The following EHBP1 variants were observed in gnomAD, a reference collection of about 807,000 sequenced individuals.
EHBP1 encodes the protein EH domain binding protein 1.
Under a neutral mutation model 144.0 loss-of-function variants are expected in EHBP1, and 55 were observed. The observed-to-expected ratio is 0.38, with a 90% confidence interval of 0.31 to 0.48. The LOEUF is 0.48. EHBP1 is among the 20% of genes least tolerant of loss of function. The pLI, the probability that EHBP1 is intolerant of heterozygous loss-of-function variation, is 0.98. For missense variants in EHBP1, 1,200 were observed against 1,364.2 expected, an observed-to-expected ratio of 0.88 and a Z score of 1.90; for synonymous variants, 469 against 472.7, an observed-to-expected ratio of 0.99 and a Z score of 0.10.
exon 1 of EHBP1, chr2:62,673,915 G>A (rs1018015251): frequency 2.9e-5 from 12 of 410,206 alleles, no homozygotes; most frequent in Admixed American, 1.5e-4. Context: ...AGACTCCAGC[G>A]AGAGACTGGG....
intron 7 of EHBP1, among the ~76,000 whole-genome samples, chr2:62,851,552 A>G (rs2048696516): frequency 6.6e-6 from 1 of 152,206 alleles, no homozygotes; most frequent in Non-Finnish European, 1.5e-5. Flanking sequence ...CATACAGTAC[A>G]TATTACTTTA....
At chr2:62,774,809 C>T (rs1387705526) in intron 5 of EHBP1, among the ~76,000 whole-genome samples, 1 of 152,128 alleles carries the variant, frequency 6.6e-6, no homozygotes, top group Admixed American at 6.6e-5. Flanking sequence ...CGTGACACTG[C>T]ACTCCAGCCT....
chr2:62,759,698 C>T (rs1171396753), intron 3 of EHBP1, among the ~76,000 whole-genome samples: 1 of 152,034 alleles, frequency 6.6e-6, no homozygotes, highest in Non-Finnish European at 1.5e-5. Flanking sequence ...GCCACCGTGC[C>T]CAGCCAGTGG....
chr2:62,742,622 C>T (rs913711401), intron 2 of EHBP1, among the ~76,000 whole-genome samples: 1 of 151,864 alleles, frequency 6.6e-6, no homozygotes, highest in African/African-American at 2.4e-5. Context: ...AAAGAATGGC[C>T]CAGGAATTGA....
At chr2:62,869,859 AC>A (rs1391858962) in intron 9 of EHBP1, among the ~76,000 whole-genome samples, 1 of 152,226 alleles carries the variant, frequency 6.6e-6, no homozygotes, top group Non-Finnish European at 1.5e-5. Context: ...ATATTATATC[AC>A]GTGAGTGATA....
At chr2:62,995,421 GT>G (rs1198780056) in intron 18 of EHBP1, among the ~76,000 whole-genome samples, 1 of 151,966 alleles carries the variant, frequency 6.6e-6, no homozygotes, top group Non-Finnish European at 1.5e-5. Flanking sequence ...AGGTATGTAA[GT>G]TACACATATA....
chr2:62,826,793 T>C (rs1277951400), intron 6 of EHBP1, among the ~76,000 whole-genome samples: 1 of 152,232 alleles, frequency 6.6e-6, no homozygotes. Context: ...TGAGTCAGCA[T>C]TGCACAAAGA....
intron 7 of EHBP1, among the ~76,000 whole-genome samples, chr2:62,841,433 A>G (rs1052364786): frequency 6.6e-6 from 1 of 151,932 alleles, no homozygotes; most frequent in African/African-American, 2.4e-5. Flanking sequence ...TGGCACATGT[A>G]TACATATGTA....
intron 5 of EHBP1, among the ~76,000 whole-genome samples, chr2:62,783,051 C>T (rs942188372): frequency 1.3e-5 from 2 of 151,990 alleles, no homozygotes; most frequent in Non-Finnish European, 2.9e-5. Flanking sequence ...AGAAATTGAC[C>T]AAAACAAAGG....
intron 5 of EHBP1, among the ~76,000 whole-genome samples, chr2:62,798,389 T>C (rs1304001929): frequency 6.6e-6 from 1 of 151,514 alleles, no homozygotes; most frequent in African/African-American, 2.4e-5. Flanking sequence ...GAAAGAAATA[T>C]CTGTAGAAAT....
upstream of EHBP1, among the ~76,000 whole-genome samples, chr2:62,702,825 T>C (rs889592504): frequency 6.6e-5 from 10 of 152,238 alleles, no homozygotes; most frequent in African/African-American, 2.2e-4. Context: ...TTTGACTGTT[T>C]ACTATGTGCC....
In EHBP1 at chr2:62,894,416, G is replaced by A. The variant is rs2052713875; in HGVS notation, c.1185+19884G>A. ...AGGGAGAGAGAGAGAGAGAGTGAAT[G>A]TGTATGTGTGTAGTGAGTGGGGCAG... On this transcript the variant is annotated intron_variant, in intron 10 of 22. Transcript: ENST00000431489. 2.0e-5 allele frequency among the ~76,000 whole-genome samples: 3 copies of A among 152,156 alleles called. 1 individual carries two copies. Among genetic ancestry groups the A allele is most frequent in the Admixed American group, 2.0e-4 (3 of 15,278 alleles).
At position 62,806,064 on chromosome 2, in the gene EHBP1, C is replaced by T. The variant is rs148216145; in HGVS notation, c.313-20023C>T. Among the ~76,000 whole-genome samples, 617 of 152,110 alleles carry T rather than the reference C, an allele frequency of 4.1e-3. 5 individuals are homozygous for T. The highest frequency in any genetic ancestry group is 6.6e-3 in the Non-Finnish European group (451 of 67,992). On this transcript the variant is annotated intron_variant, in intron 5 of 22. Transcript: ENST00000431489. Reference sequence around the variant, plus strand: ...GTGCAACTGTGGCTCACTGCAGCCTCGACCTCCTGGGCTCAAGTGATCATC... The same window carrying T: ...GTGCAACTGTGGCTCACTGCAGCCTTGACCTCCTGGGCTCAAGTGATCATC...
At chr2:62,833,599 C>A (rs1351858155) in intron 7 of EHBP1, among the ~76,000 whole-genome samples, 1 of 152,218 alleles carries the variant, frequency 6.6e-6, no homozygotes, top group African/African-American at 2.4e-5. Flanking sequence ...TTCCAAAATA[C>A]TACTACTCAT....
chr2:62,770,260 A>G (rs1374694574), intron 4 of EHBP1, among the ~76,000 whole-genome samples: 3 of 152,182 alleles, frequency 2.0e-5, no homozygotes, highest in East Asian at 3.8e-4. Context: ...ATATTTGCAA[A>G]CTGTGCATCT....
chr2:62,762,557 T>G (rs1297713437), intron 3 of EHBP1, among the ~76,000 whole-genome samples: 1 of 152,218 alleles, frequency 6.6e-6, no homozygotes, highest in East Asian at 1.9e-4. Flanking sequence ...GCCTCCTATC[T>G]GTTAATAGCA....
chr2:62,844,966 C>G (rs971429004), intron 7 of EHBP1, among the ~76,000 whole-genome samples: 1 of 152,136 alleles, frequency 6.6e-6, no homozygotes, highest in Non-Finnish European at 1.5e-5. Flanking sequence ...TCACAGCAAT[C>G]TGAATACTGT....
At chr2:62,785,783 T>G (rs1056487263) in intron 5 of EHBP1, among the ~76,000 whole-genome samples, 1 of 152,220 alleles carries the variant, frequency 6.6e-6, no homozygotes, top group Non-Finnish European at 1.5e-5. Context: ...CCCTAAAATA[T>G]TTTTAAACTT....
chr2:62,804,289 A>G (rs774247841), intron 5 of EHBP1, among the ~76,000 whole-genome samples: 4 of 152,214 alleles, frequency 2.6e-5, no homozygotes, highest in Non-Finnish European at 5.9e-5. Flanking sequence ...AGCAGAGAAA[A>G]AAAACCTTGA....
Sources: gnomAD v4.1 joint callset for allele counts (sites outside exome capture counted in the v4.1 genomes callset) on GRCh38, gnomAD v4.1.1 for gene constraint, MANE v1.5 for transcripts, NCBI Gene and HGNC (gene_info 2026-07-23, HGNC 2026-07-21) for gene names.